The following PRELID2 variants were observed in gnomAD, a reference collection of about 807,000 sequenced individuals.
The protein encoded by PRELID2 is PRELI domain-containing protein 2.
A neutral mutation model predicts 28.4 loss-of-function variants in PRELID2; 25 were observed. The observed-to-expected ratio is 0.88, with a 90% CI of 0.64 to 1.23. PRELID2 has a LOEUF of 1.23. Ranked by LOEUF, PRELID2 falls within the 50% of genes most tolerant of loss-of-function variation. The pLI, the probability that PRELID2 is intolerant of heterozygous loss-of-function variation, is 0.00. For synonymous variants in PRELID2, 76 were observed against 71.6 expected (o/e 1.06, Z -0.31); for missense variants, 201 against 214.4 (o/e 0.94, Z 0.39).
downstream of PRELID2, among the ~76,000 whole-genome samples, chr5:145,755,944 T>C (rs1283888911): frequency 6.6e-6 from 1 of 151,912 alleles, no homozygotes; most frequent in African/African-American, 2.4e-5. Context: ...TGAGGACAAA[T>C]GAAAGGATAA....
chr5:145,618,418 C>T (rs867065540), intron 1 of PRELID2, among the ~76,000 whole-genome samples: 27 of 152,274 alleles, frequency 1.8e-4, no homozygotes, highest in Middle Eastern at 6.8e-3. Context: ...GATGTGGCTT[C>T]CTGAGAGCCA....
chr5:145,411,872 C>A, the PRELID2 span, among the ~76,000 whole-genome samples: 2 of 152,224 alleles, frequency 1.3e-5, no homozygotes, highest in Non-Finnish European at 2.9e-5. Context: ...CTTCTGCACA[C>A]CTGCAGGCTC....
intron 4 of PRELID2, among the ~76,000 whole-genome samples, chr5:145,800,945 T>C (rs1261869870): frequency 1.3e-5 from 2 of 151,982 alleles, no homozygotes; most frequent in East Asian, 3.9e-4. Context: ...TAATTTCAGC[T>C]TCATTTAAAA....
chr5:145,395,327 G>T, the PRELID2 span, among the ~76,000 whole-genome samples: 1 of 152,142 alleles, frequency 6.6e-6, no homozygotes, highest in Non-Finnish European at 1.5e-5. Context: ...CAATGCTCCA[G>T]GAGTTTGACA....
chr5:145,770,296 G>A (rs1758022141), intron 5 of PRELID2, among the ~76,000 whole-genome samples: 1 of 151,950 alleles, frequency 6.6e-6, no homozygotes, highest in Admixed American at 6.6e-5. Context: ...TGGGAGGATT[G>A]CTTAAGGCCA....
chr5:145,617,886 AC>A (rs1753721801), intron 1 of PRELID2, among the ~76,000 whole-genome samples: 1 of 151,942 alleles, frequency 6.6e-6, no homozygotes, highest in South Asian at 2.1e-4. Flanking sequence ...GGCATGCACC[AC>A]CACGCCCAGC....
chr5:145,816,170 T>C (rs930253449), intron 4 of PRELID2, among the ~76,000 whole-genome samples: 2 of 149,364 alleles, frequency 1.3e-5, no homozygotes, highest in Non-Finnish European at 3.0e-5. Context: ...GAAACCTTCG[T>C]CTCCTGGGTT....
intron 1 of PRELID2, among the ~76,000 whole-genome samples, chr5:145,529,100 A>G (rs1422653): frequency 0.015 from 2,249 of 152,282 alleles, 52 homozygotes; most frequent in African/African-American, 0.052. Flanking sequence ...TGAGTTTAAC[A>G]AATTAATTTG....
chr5:145,603,751 G>A (rs2149639558), intron 1 of PRELID2, among the ~76,000 whole-genome samples: 1 of 152,104 alleles, frequency 6.6e-6, no homozygotes, highest in African/African-American at 2.4e-5. Context: ...ATTTGGGAGG[G>A]GGTAAATATG....
chr5:145,406,749 T>G, the PRELID2 span, among the ~76,000 whole-genome samples: 20 of 152,338 alleles, frequency 1.3e-4, no homozygotes, highest in South Asian at 4.1e-3. Flanking sequence ...AACTGTGAGT[T>G]CATACAGTGT....
At chr5:145,292,120 A>T in the PRELID2 span, among the ~76,000 whole-genome samples, 1 of 152,148 alleles carries the variant, frequency 6.6e-6, no homozygotes, top group African/African-American at 2.4e-5. Context: ...AAAAAAGGTG[A>T]TATAAATTTC....
intron 1 of PRELID2, among the ~76,000 whole-genome samples, chr5:145,693,860 G>A (rs974884203): frequency 2.0e-5 from 3 of 152,226 alleles, no homozygotes; most frequent in African/African-American, 7.2e-5. Context: ...AATGATGTTG[G>A]AGAAGAATAT....
At position 145,791,297 on chromosome 5, in the gene PRELID2, C is replaced by G. The variant is rs115029360; in HGVS notation, c.474+5145G>C. ...CCACCTTGACACGTGGGGATTATTA[C>G]AATTCACGTAAGATTTGGGTGGGAA... On this transcript the variant is annotated intron_variant, in intron 5 of 6. Coordinates refer to ENST00000683046, the MANE Select transcript of PRELID2 (RefSeq NM_205846.3). 9.7e-3 allele frequency among the ~76,000 whole-genome samples: 1,474 copies of G among 152,202 alleles called. 37 individuals carry two copies. The highest frequency in any genetic ancestry group is 0.034 in the African/African-American group (1,407 of 41,546).
intron 1 of PRELID2, among the ~76,000 whole-genome samples, chr5:145,475,797 G>C (rs1580950902): frequency 1.3e-5 from 2 of 152,186 alleles, no homozygotes; most frequent in East Asian, 3.9e-4. Context: ...TAGTCTCTAT[G>C]ATCTATAGTA....
intron 1 of PRELID2, among the ~76,000 whole-genome samples, chr5:145,636,851 A>T (rs1754009996): frequency 2.0e-5 from 3 of 152,206 alleles, no homozygotes. Context: ...AGCATTACTG[A>T]ATTATTACAT....
chr5:145,456,445 C>A, the PRELID2 span, among the ~76,000 whole-genome samples: 1 of 152,176 alleles, frequency 6.6e-6, no homozygotes, highest in Non-Finnish European at 1.5e-5. Context: ...ATTTTTGGTG[C>A]CTTCTCATCC....
the PRELID2 span, among the ~76,000 whole-genome samples, chr5:145,327,921 T>G: frequency 9.7e-4 from 148 of 152,260 alleles, no homozygotes; most frequent in African/African-American, 3.2e-3. Flanking sequence ...CTCCTAATGC[T>G]ATCCCTCCCC....
the PRELID2 span, chr5:145,229,153 T>G: frequency 2.0e-6 from 2 of 1,004,760 alleles, no homozygotes; most frequent in Admixed American, 3.5e-5. Context: ...GCCAAGTGTG[T>G]GTCCCACAGC....
intron 1 of PRELID2, among the ~76,000 whole-genome samples, chr5:145,489,241 T>C (rs904412757): frequency 2.0e-5 from 3 of 152,170 alleles, no homozygotes; most frequent in Non-Finnish European, 4.4e-5. Context: ...TTTATCTTAA[T>C]TTCAACTAAA....
Sources: gnomAD v4.1 joint callset for allele counts (sites outside exome capture counted in the v4.1 genomes callset) on GRCh38, gnomAD v4.1.1 for gene constraint, MANE v1.5 for transcripts, NCBI Gene and HGNC (gene_info 2026-07-23, HGNC 2026-07-21) for gene names.